The following SETMAR variants were observed in gnomAD, a reference collection of about 807,000 sequenced individuals.
SETMAR encodes the protein SET and mariner transposase domain methyltransferase.
Under a neutral mutation model 58.4 loss-of-function variants are expected in SETMAR, and 44 were observed. The observed-to-expected ratio is 0.75, with a 90% CI of 0.59 to 0.97. The LOEUF is 0.97. Ranked by LOEUF, SETMAR falls within the 50% of genes least tolerant of loss-of-function variation. SETMAR has a pLI of 0.00. For missense variants in SETMAR, 903 were observed against 840.2 expected (o/e 1.07, Z -0.92); for synonymous variants, 332 against 307.4 (o/e 1.08, Z -0.84).
At chr3:4,303,881 G>A (rs1394488588) in intron 1 of SETMAR, 4 of 1,274,950 alleles carry the variant, frequency 3.1e-6, no homozygotes, top group Admixed American at 2.7e-5. Context: ...AGGATAAGCC[G>A]TGGGGCCTAT....
At chr3:4,311,004 G>A (rs1698384913) in intron 1 of SETMAR, among the ~76,000 whole-genome samples, 1 of 152,194 alleles carries the variant, frequency 6.6e-6, no homozygotes, top group African/African-American at 2.4e-5. Flanking sequence ...GACTGATAGA[G>A]CATCATTTTC....
At chr3:4,313,823 G>T (rs1304054761) in intron 2 of SETMAR, 62 bp downstream of exon 2, 3 of 1,601,850 alleles carry the variant, frequency 1.9e-6, no homozygotes, top group African/African-American at 1.3e-5. Context: ...TGGTTGGCTA[G>T]CTTTACCTCT....
Position 4,313,598 on chromosome 3 carries a change from C to T in SETMAR, c.857C>T (p.Pro286Leu), listed in dbSNP as rs370165380. Residue 286 changes from proline to leucine, a missense_variant, in exon 2 of 3, where the codon CCT becomes CTT. Transcript: ENST00000358065. The part of the protein sequence containing the change: ...ERLDHGKLRK[P>L]CYCGAKSCTA... The stretch of plus-strand genomic sequence containing the variant: ...CTAGATCATGGGAAACTAAGGAAAC[C>T]TTGTTACTGTGGTGCCAAATCATGT... The T allele has an allele frequency of 9.3e-6, 15 of 1,613,900 alleles. No homozygotes were observed. Among genetic ancestry groups the T allele is most frequent in the Non-Finnish European group, 1.3e-5 (15 of 1,179,972 alleles).
rs868687187 is a variant in SETMAR at position 4,305,692 on chromosome 3, C to A, written c.156+2166C>A. Among the ~76,000 whole-genome samples, 4 of 152,080 alleles carry A rather than the reference C, an allele frequency of 2.6e-5. No individual in the cohort carries two copies. The South Asian group carries it at 8.3e-4, about 32-fold the overall frequency. On this transcript the variant is annotated intron_variant, in intron 1 of 2. Coordinates refer to ENST00000358065, the MANE Select transcript of SETMAR (RefSeq NM_006515.4). The stretch of plus-strand genomic sequence containing the variant: ...ATGCCAGAGTCAGGTAGAAAGCAGA[C>A]CATGCTATATAGGGTTAAAATTAAA...
At chr3:4,303,647 C>G in intron 1 of SETMAR, 121 bp downstream of exon 1, 1 of 1,429,060 alleles carries the variant, frequency 7.0e-7, no homozygotes, top group Non-Finnish European at 9.2e-7. Context: ...ACAGCGCACC[C>G]GTTGGTGCGC....
At position 4,316,520 on chromosome 3, in the gene SETMAR, C is replaced by T. The variant is rs542391438; in HGVS notation, c.1329C>T (p.Val443=). The T allele has an allele frequency of 1.2e-4, 192 of 1,586,270 alleles. No homozygotes were observed. The highest frequency in any genetic ancestry group is 1.6e-4 in the Non-Finnish European group (184 of 1,165,110). ...AEELNVNHST[V]VRHLKQIGKV... is the part of the protein sequence containing the mutation. ...AACTCAATGTCAACCATTCTACGGTCGTTCGACATTTGAAGCAAATTGGAA... is the reference window on the plus strand; with the variant it reads ...AACTCAATGTCAACCATTCTACGGTTGTTCGACATTTGAAGCAAATTGGAA... The change falls in exon 3 of 3, where the codon GTC becomes GTT. Residue 443 remains valine, a synonymous_variant. Transcript: ENST00000358065.
At chr3:4,306,048 TG>T (rs149450598) in intron 1 of SETMAR, among the ~76,000 whole-genome samples, 5,599 of 152,232 alleles carry the variant, frequency 0.037, 149 homozygotes, top group Non-Finnish European at 0.056. Flanking sequence ...TGCAAGGTGG[TG>T]GGTTGGGCTG....
In SETMAR at chr3:4,304,989, C is replaced by T. The variant is rs762667945; in HGVS notation, c.156+1463C>T. Among the ~76,000 whole-genome samples the T allele has an allele frequency of 5.1e-4, 78 of 152,096 alleles. No homozygotes were observed. In the Middle Eastern group the frequency reaches 0.014, roughly 27 times the overall value. ...CAAAGTGGTGGGGGGGGCTTCCAGA[C>T]TATAGGTAGATTTTAATTTTTCTGG... is the stretch of plus-strand genomic sequence containing the variant. On this transcript the variant is annotated intron_variant, in intron 1 of 2. Transcript: ENST00000358065.
At chr3:4,307,404 C>T (rs529759556) in intron 1 of SETMAR, among the ~76,000 whole-genome samples, 16 of 152,108 alleles carry the variant, frequency 1.1e-4, no homozygotes, top group African/African-American at 3.6e-4. Context: ...AGACACGTAT[C>T]TGTTAGAAAG....
intron 2 of SETMAR, 143 bp from the exon 3 acceptor site, chr3:4,316,065 AAAAG>A: frequency 3.7e-6 from 2 of 539,930 alleles, no homozygotes; most frequent in Non-Finnish European, 6.6e-6. Context: ...AAAAAAAAAA[AAAAG>A]TAACAGTTTT....
At chr3:4,311,404 C>T (rs1698399366) in intron 1 of SETMAR, among the ~76,000 whole-genome samples, 1 of 152,212 alleles carries the variant, frequency 6.6e-6, no homozygotes, top group Non-Finnish European at 1.5e-5. Context: ...GGCCGTGCAA[C>T]TGGTTCCTTG....
At chr3:4,308,613 C>A (rs901124304) in intron 1 of SETMAR, among the ~76,000 whole-genome samples, 1 of 152,158 alleles carries the variant, frequency 6.6e-6, no homozygotes, top group African/African-American at 2.4e-5. Context: ...CCTAGCCAGT[C>A]ACTTGTCCAG....
intron 2 of SETMAR, chr3:4,314,481 A>T (rs1429184600): frequency 1.3e-5 from 2 of 152,216 alleles, no homozygotes; most frequent in Admixed American, 1.3e-4. Flanking sequence ...TAAAACCCTA[A>T]TAAGTACTAC....
chr3:4,316,618 C>T lies in SETMAR; in HGVS notation c.1427C>T (p.Ser476Leu). 2 of 1,551,226 alleles carry T rather than the reference C, an allele frequency of 1.3e-6. No individual in the cohort carries two copies. The highest frequency in any genetic ancestry group is 1.7e-6 in the Non-Finnish European group (2 of 1,146,774). The part of the protein sequence containing the change: ...ENQKNRRFEV[S>L]SSLILRNHNE... ...CAAAAAAATCGTCGTTTTGAAGTGT[C>T]ATCTTCTCTTATTCTACGCAACCAC... The change falls in exon 3 of 3, where the codon TCA (serine) becomes TTA (leucine). Residue 476 changes from serine (S) to leucine (L), a missense_variant. Physicochemically the swap from Ser to Leu is moderately radical, Grantham distance 145. Coordinates refer to ENST00000358065, the MANE Select transcript of SETMAR (RefSeq NM_006515.4).
chr3:4,309,666 A>G (rs1182894902), intron 1 of SETMAR, among the ~76,000 whole-genome samples: 2 of 152,188 alleles, frequency 1.3e-5, no homozygotes, highest in African/African-American at 2.4e-5. Context: ...GGTAGGCTAC[A>G]CACTCAGTAG....
At chr3:4,308,286 C>CCTA (rs1393128216) in intron 1 of SETMAR, among the ~76,000 whole-genome samples, 1 of 152,114 alleles carries the variant, frequency 6.6e-6, no homozygotes, top group Admixed American at 6.5e-5. Context: ...TCTTCACTAC[C>CCTA]CTACTATGCA....
Position 4,312,895 on chromosome 3 carries a change from C to T in SETMAR, c.157-3C>T. On this transcript the variant is annotated splice_region_variant and splice_polypyrimidine_tract_variant and intron_variant, in intron 1 of 2. Transcript: ENST00000358065. ...TGACTTACAGTGTGTATATTTTTTA[C>T]AGTACACTCCTGATCATGTAGTTGG... The T allele has an allele frequency of 6.2e-7, 1 of 1,600,034 alleles. No homozygotes were observed. Among genetic ancestry groups the T allele is most frequent in the East Asian group, 2.2e-5 (1 of 44,798 alleles).
rs751461235 is a variant in SETMAR at position 4,316,433 on chromosome 3, C to T, written c.1242C>T (p.Asn414=). ...GTGGCCGGCCATCAGAAGTTGACAA[C>T]GACCAGTTGAGAGCAATCATCGAAG... ...ERSGRPSEVD[N]DQLRAIIEAD... is the part of the protein sequence containing the mutation. Residue 414 remains asparagine (N), a synonymous_variant, in exon 3 of 3, where the codon AAC becomes AAT. Coordinates refer to ENST00000358065, the MANE Select transcript of SETMAR (RefSeq NM_006515.4). 24 of 1,595,440 alleles carry T rather than the reference C, an allele frequency of 1.5e-5. No individual in the cohort carries two copies. The highest frequency in any genetic ancestry group is 1.8e-4 in the Middle Eastern group (1 of 5,694).
In SETMAR at chr3:4,316,962, C is replaced by T. The variant is rs1301478016; in HGVS notation, c.1771C>T (p.Arg591Ter). 34 of 1,549,262 alleles carry T rather than the reference C, an allele frequency of 2.2e-5. No individual in the cohort carries two copies. Among genetic ancestry groups the T allele is most frequent in the South Asian group, 9.5e-5 (8 of 83,962 alleles). ...KGPILLHDNARPHVAQPTLQK... is the reference protein window; with the variant it reads ...KGPILLHDNA ...CCCAATTCTTCTCCACGACAATGCC[C>T]GACCGCATGTTGCACAACCCACACT... Residue 591 changes from arginine to a stop codon, truncating the protein, a stop_gained, in exon 3 of 3, where the codon CGA (arginine) becomes TGA (stop). Transcript: ENST00000358065. LOFTEE classifies it high-confidence loss of function.
Sources: allele counts gnomAD v4.1 joint callset (sites outside exome capture counted in the v4.1 genomes callset), GRCh38; gene constraint gnomAD v4.1.1; transcripts MANE v1.5; gene names NCBI Gene and HGNC (gene_info 2026-07-23, HGNC 2026-07-21).